CNPY2: variants seen among roughly 807,000 people sequenced by gnomAD.
The protein encoded by CNPY2 is canopy FGF signaling regulator 2.
A neutral mutation model predicts 25.5 loss-of-function variants in CNPY2; 19 were observed. The ratio of observed to expected loss-of-function variants is 0.74; its 90% CI spans 0.52 to 1.09. The LOEUF (loss-of-function observed/expected upper bound fraction) is 1.09. Among genes scored for constraint, CNPY2 ranks in the 50% least tolerant of loss-of-function variants. The pLI is 0.00. For synonymous variants in CNPY2, 82 were observed against 85.0 expected (o/e 0.96, Z 0.19); for missense variants, 214 against 233.6 (o/e 0.92, Z 0.55).
intron 5 of CNPY2, 29 bp downstream of exon 5, chr12:56,310,929 G>C: frequency 6.3e-7 from 1 of 1,594,150 alleles, no homozygotes; most frequent in Middle Eastern, 1.7e-4. Flanking sequence ...AGAGCTACTA[G>C]AACAGGAGAT....
At chr12:56,312,222 C>CTTTTTTTTTTTTTTTTTTTT in intron 3 of CNPY2, among the ~76,000 whole-genome samples, 1 of 135,892 alleles carries the variant, frequency 7.4e-6, no homozygotes, top group African/African-American at 3.1e-5. Flanking sequence ...CAAAGTACTT[C>CTTTTTTTTTTTTTTTTTTTT]TTTTTTTTTT....
rs756651654 is a variant in CNPY2, at chr12:56,315,211, C to T, written c.7G>A (p.Gly3Ser). 1.1e-5 allele frequency: 17 copies of T among 1,613,854 alleles called. No homozygotes were observed. In the Admixed American group the frequency reaches 1.7e-4, roughly 16 times the overall value. ...AGAAGCAGGGCCAGCCAACCCCAGC[C>T]TTTCATCTTTAGCGTAATGGGGTCG... MK[G>S]WGWLALLLGA... The change falls in exon 2 of 6, where the codon GGC (glycine) becomes AGC (serine). Residue 3 changes from glycine to serine, a missense_variant. Gly to Ser is a moderately conservative substitution (Grantham distance 56). Coordinates refer to ENST00000273308, the MANE Select transcript of CNPY2 (RefSeq NM_014255.7).
intron 3 of CNPY2, chr12:56,314,439 G>A: frequency 9.1e-7 from 1 of 1,094,276 alleles, no homozygotes; most frequent in Non-Finnish European, 1.1e-6. Flanking sequence ...ACACCTTTGT[G>A]TACATGTGTG....
At chr12:56,314,570 A>G in intron 3 of CNPY2, 1 of 1,304,454 alleles carries the variant, frequency 7.7e-7, no homozygotes, top group South Asian at 1.7e-5. Context: ...TGTATACCAC[A>G]GTGCTACATT....
Position 56,310,497 on chromosome 12 carries a change from C to T in CNPY2, c.*55G>A, listed in dbSNP as rs761823414. On this transcript the variant is annotated 3_prime_UTR_variant, in exon 6 of 6. Coordinates refer to ENST00000273308, the MANE Select transcript of CNPY2 (RefSeq NM_014255.7). ...ACATAATATATAAAAGGCATTGCCACCATTTTCCCCTCCTGGGGGTGATCC... is the reference window on the plus strand; with the variant it reads ...ACATAATATATAAAAGGCATTGCCATCATTTTCCCCTCCTGGGGGTGATCC... 1 of 1,570,180 alleles carries T rather than the reference C, an allele frequency of 6.4e-7. No homozygotes were observed. The highest frequency in any genetic ancestry group is 8.8e-7 in the Non-Finnish European group (1 of 1,140,482).
upstream of CNPY2, chr12:56,316,288 T>A (rs1592424609): frequency 6.6e-6 from 1 of 152,608 alleles, no homozygotes. Flanking sequence ...CCAGCCCAGG[T>A]GGGCTAGGAC....
At chr12:56,312,222 C>CTTTTTTTTTTTTTTTTTTTTTTTT (rs56822059) in intron 3 of CNPY2, among the ~76,000 whole-genome samples, 1 of 135,926 alleles carries the variant, frequency 7.4e-6, no homozygotes. Context: ...CAAAGTACTT[C>CTTTTTTTTTTTTTTTTTTTTTTTT]TTTTTTTTTT....
At position 56,315,370 on chromosome 12, in the gene CNPY2, C is replaced by T. The variant is rs1333586556; in HGVS notation, c.-25-128G>A. ...TCTGGCTCTACTTTCCAGGAAATGGCCGGGACACAAAGGGGCTTCTCTGTT... is the reference window on the plus strand; with the variant it reads ...TCTGGCTCTACTTTCCAGGAAATGGTCGGGACACAAAGGGGCTTCTCTGTT... On this transcript the variant is annotated intron_variant, in intron 1 of 5. Transcript: ENST00000273308. 6.4e-6 allele frequency: 4 copies of T among 622,620 alleles called. No individual in the cohort carries two copies. The East Asian group carries it at 1.1e-4, about 17-fold the overall frequency. The allele number at this position is 622,620 out of a possible 1,614,324, so 38.6% of individuals were successfully genotyped here. A position where few individuals can be genotyped will look rare whatever the true frequency, so the allele number is the denominator to read the frequency against.
intron 3 of CNPY2, among the ~76,000 whole-genome samples, chr12:56,312,222 C>T (rs796185923): frequency 0.014 from 1,895 of 135,846 alleles, 71 homozygotes; most frequent in African/African-American, 0.055. Flanking sequence ...CAAAGTACTT[C>T]TTTTTTTTTT....
At chr12:56,315,295 C>T in intron 1 of CNPY2, 53 bp from the exon 2 acceptor site, 3 of 1,067,480 alleles carry the variant, frequency 2.8e-6, no homozygotes, top group South Asian at 2.9e-5. Context: ...TCCATTTTTC[C>T]CTGACCCCCC....
Position 56,311,423 on chromosome 12 carries a change from G to A in CNPY2, c.205-9C>T. On this transcript the variant is annotated splice_polypyrimidine_tract_variant and intron_variant, in intron 3 of 5. Coordinates refer to ENST00000273308, the MANE Select transcript of CNPY2 (RefSeq NM_014255.7). ...GAGCGGGCATAAGGCACCTAGAAAT[G>A]TCCTCAGCCTTGGGTCACTCTCTTC... is the stretch of plus-strand genomic sequence containing the variant. 1.2e-6 allele frequency: 2 copies of A among 1,613,978 alleles called. No homozygotes were observed. Among genetic ancestry groups the A allele is most frequent in the Non-Finnish European group, 1.7e-6 (2 of 1,179,896 alleles).
rs1565629103 is a variant in CNPY2, at chr12:56,315,229, TG to T, written c.-13del. On this transcript the variant is annotated 5_prime_UTR_variant, in exon 2 of 6. Transcript: ENST00000273308. ...CCCCAGCCTTTCATCTTTAGCGTAA[TG>T]GGGTCGCTCCACCTGGGTTTGAGTG... 6.2e-7 allele frequency: 1 copy of T among 1,610,676 alleles called. No homozygotes were observed. Among genetic ancestry groups the T allele is most frequent in the Admixed American group, 1.7e-5 (1 of 59,906 alleles).
chr12:56,311,832 G>GTGA (rs1356166322), intron 3 of CNPY2: 1 of 245,138 alleles, frequency 4.1e-6, no homozygotes, highest in Non-Finnish European at 8.0e-6. Flanking sequence ...GATTACAGAC[G>GTGA]TGAGCCACTG....
rs370005370 is a variant in CNPY2, at chr12:56,311,044, A to G, written c.419T>C (p.Ile140Thr). The G allele has an allele frequency of 2.5e-6, 4 of 1,613,996 alleles. No homozygotes were observed. The African/African-American group carries it at 4.0e-5, about 16-fold the overall frequency. ...SGTLKFACES[I>T]VEEYEDELIE... ...GAGTTCATCCTCGTATTCCTCCACA[A>G]TGCTCTCACACTGCCAACCCAAGGG... is the stretch of plus-strand genomic sequence containing the variant. The change falls in exon 5 of 6, where the codon ATT becomes ACT. Residue 140 changes from isoleucine to threonine, a missense_variant. Transcript: ENST00000273308.
intron 3 of CNPY2, chr12:56,311,704 A>T: frequency 2.6e-6 from 1 of 389,754 alleles, no homozygotes; most frequent in South Asian, 2.1e-5. Flanking sequence ...GGCATGCACC[A>T]CCACACCCAG....
rs192712941 is a variant in CNPY2, at chr12:56,310,346, C to T, written c.*206G>A. 3.7e-4 allele frequency: 227 copies of T among 609,504 alleles called. No homozygotes were observed. Among genetic ancestry groups the T allele is most frequent in the African/African-American group, 3.7e-3 (200 of 54,162 alleles). 37.8% of individuals were successfully genotyped at this position (609,504 alleles called of 1,614,324 possible). On this transcript the variant is annotated 3_prime_UTR_variant, in exon 6 of 6. Coordinates refer to ENST00000273308, the MANE Select transcript of CNPY2 (RefSeq NM_014255.7). ...ATCAATCCCAAAACTCTTCTTTCTCCTCCATTATCTTTCCTGTCTATATAA... is the reference window on the plus strand; with the variant it reads ...ATCAATCCCAAAACTCTTCTTTCTCTTCCATTATCTTTCCTGTCTATATAA...
rs56822059 is a variant in CNPY2, at chr12:56,312,222, C to CTTTTTTTTTT, written c.205-818_205-809dup. On this transcript the variant is annotated intron_variant, in intron 3 of 5. Coordinates refer to ENST00000273308, the MANE Select transcript of CNPY2 (RefSeq NM_014255.7). Reference sequence around the variant, plus strand: ...TTTACTTGATAGTTTCAAAGTACTTCTTTTTTTTTTTTTTTTTTTTTTTTT... The same window carrying CTTTTTTTTTT: ...TTTACTTGATAGTTTCAAAGTACTTCTTTTTTTTTTTTTTTTTTTTTTTTTTTTTTTTTTT... 1.3e-3 allele frequency among the ~76,000 whole-genome samples: 178 copies of CTTTTTTTTTT among 135,840 alleles called. 5 individuals are homozygous for CTTTTTTTTTT. The highest frequency in any genetic ancestry group is 2.7e-3 in the East Asian group (13 of 4,814). The allele number at this position is 135,840 out of a possible 152,430, so 89.1% of individuals were successfully genotyped here. A position where few individuals can be genotyped will look rare whatever the true frequency, so the allele number is the denominator to read the frequency against.
chr12:56,312,834 G>C (rs2135936121), intron 3 of CNPY2: 1 of 152,178 alleles, frequency 6.6e-6, no homozygotes, highest in South Asian at 2.1e-4. Context: ...GCCTCCCAAA[G>C]TGCTGGGACT....
intron 5 of CNPY2, 140 bp from the exon 6 acceptor site, chr12:56,310,735 C>T: frequency 1.1e-6 from 1 of 928,744 alleles, no homozygotes; most frequent in South Asian, 1.4e-5. Context: ...AATGATAAAA[C>T]ATCCCCACTG....
Sources: allele counts gnomAD v4.1 joint callset (sites outside exome capture counted in the v4.1 genomes callset), GRCh38; gene constraint gnomAD v4.1.1; transcripts MANE v1.5; gene names NCBI Gene and HGNC (gene_info 2026-07-23, HGNC 2026-07-21).